The following RAP1GAP2 variants were observed in gnomAD, a reference collection of about 807,000 sequenced individuals.
The protein encoded by RAP1GAP2 is rap1 GTPase-activating protein 2.
In RAP1GAP2, 27 loss-of-function variants were observed where a neutral mutation model predicts 95.0. The observed-to-expected ratio is 0.28, with a 90% CI of 0.21 to 0.39. The LOEUF is 0.39. Among genes scored for constraint, RAP1GAP2 ranks in the 10% least tolerant of loss-of-function variants. The probability of loss-of-function intolerance (pLI) is 1.00; values close to 1 mark genes in which losing one functional copy is unlikely to be tolerated. For missense variants in RAP1GAP2, 771 were observed against 970.0 expected (o/e 0.79, Z 2.72); for synonymous variants, 373 against 380.9 (o/e 0.98, Z 0.24).
chr17:2,797,397 G>A lies in RAP1GAP2; in HGVS notation c.44+826G>A, dbSNP rs1159837784. On this transcript the variant is annotated intron_variant, in intron 1 of 24. Coordinates refer to ENST00000254695, the MANE Select transcript of RAP1GAP2 (RefSeq NM_015085.5). This position sits in a 1 kb window ranked among gnomAD's most constrained non-coding sequence, Gnocchi z 5.6. ...GGTTCCCAGTGCTGGCAGCTTCTTC[G>A]CAGCTGGGGAACAGAGTCTGGTGGT... Among the ~76,000 whole-genome samples, 7 of 152,172 alleles carry A rather than the reference G, an allele frequency of 4.6e-5. No individual in the cohort carries two copies. The highest frequency in any genetic ancestry group is 1.0e-4 in the Non-Finnish European group (7 of 68,038).
Position 2,870,559 on chromosome 17 carries a change from C to T in RAP1GAP2, c.81-34725C>T, listed in dbSNP as rs542760320. 7.1e-4 allele frequency among the ~76,000 whole-genome samples: 108 copies of T among 152,228 alleles called. 2 individuals are homozygous for T. The Middle Eastern group carries it at 0.014, about 19-fold the overall frequency. The stretch of plus-strand genomic sequence containing the variant: ...ACAAGGGAGACTGTAGAGATATTAA[C>T]GTTTAATATTTTTTTTGTGGTCTTT... On this transcript the variant is annotated intron_variant, in intron 2 of 24. Transcript: ENST00000254695. This position sits in a 1 kb window ranked among gnomAD's most constrained non-coding sequence, Gnocchi z 4.4.
Position 2,965,652 on chromosome 17 carries a change from G to T in RAP1GAP2, c.596+9G>T, listed in dbSNP as rs1257657277. On this transcript the variant is annotated intron_variant, in intron 8 of 24. Coordinates refer to ENST00000254695, the MANE Select transcript of RAP1GAP2 (RefSeq NM_015085.5). The surrounding 1 kb of genome is among the most constrained non-coding windows in gnomAD (Gnocchi z 4.7). ...CTCCGGGTCATCCTTAGGTAGGGCT[G>T]TTGCGCTGCTTGAGGCCACTTCTCT... is the stretch of plus-strand genomic sequence containing the variant. 6.3e-7 allele frequency: 1 copy of T among 1,577,094 alleles called. No homozygotes were observed. Among genetic ancestry groups the T allele is most frequent in the Non-Finnish European group, 8.7e-7 (1 of 1,153,610 alleles).
intron 2 of RAP1GAP2, among the ~76,000 whole-genome samples, chr17:2,836,712 C>T (rs1009765218): frequency 6.6e-6 from 1 of 152,146 alleles, no homozygotes; most frequent in African/African-American, 2.4e-5. Context: ...GAGACAGCAT[C>T]ATCGGACCAT....
chr17:2,980,706 G>A (rs1025078836), intron 9 of RAP1GAP2, among the ~76,000 whole-genome samples: 2 of 152,196 alleles, frequency 1.3e-5, no homozygotes, highest in African/African-American at 2.4e-5. Context: ...TCCGTGGAGG[G>A]GTGAGGGCGG....
At position 3,003,771 on chromosome 17, in the gene RAP1GAP2, G is replaced by A. The variant is rs1423826731; in HGVS notation, c.1201-1598G>A. 6.6e-6 allele frequency among the ~76,000 whole-genome samples: 1 copy of A among 152,196 alleles called. No individual in the cohort carries two copies. The highest frequency in any genetic ancestry group is 1.5e-5 in the Non-Finnish European group (1 of 68,036). ...CTTCTGCTTTCAGTCCAGTGACCCA[G>A]ATGTCCCCAAGAGGGGGGAACAACA... On this transcript the variant is annotated intron_variant, in intron 14 of 24. Coordinates refer to ENST00000254695, the MANE Select transcript of RAP1GAP2 (RefSeq NM_015085.5). The surrounding 1 kb of genome is among the most constrained non-coding windows in gnomAD (Gnocchi z 4.1).
At chr17:2,859,893 T>C (rs974803595) in intron 2 of RAP1GAP2, among the ~76,000 whole-genome samples, 3 of 152,164 alleles carry the variant, frequency 2.0e-5, no homozygotes, top group African/African-American at 4.8e-5. Context: ...TATTTAGTTC[T>C]AGAGGCACCA....
At chr17:2,803,526 G>A (rs184502422) in intron 2 of RAP1GAP2, among the ~76,000 whole-genome samples, 1 of 152,334 alleles carries the variant, frequency 6.6e-6, no homozygotes, top group Non-Finnish European at 1.5e-5. Flanking sequence ...TCACATAGAA[G>A]TTCAAAGATA....
In RAP1GAP2 at chr17:3,008,058, C is replaced by G. The variant is rs36016465; in HGVS notation, c.1407C>G (p.His469Gln). 78 of 1,613,820 alleles carry G rather than the reference C, an allele frequency of 4.8e-5. No homozygotes were observed. The highest frequency in any genetic ancestry group is 6.5e-5 in the Non-Finnish European group (77 of 1,179,860). Residue 469 changes from histidine to glutamine, a missense_variant, in exon 17 of 25, where the codon CAC becomes CAG. Physicochemically the swap from His to Gln is conservative, Grantham distance 24. Transcript: ENST00000254695. The surrounding 1 kb of genome is among the most constrained non-coding windows in gnomAD (Gnocchi z 4.2). ...TGGACAACCTTCACGATGAGCTCCA[C>G]GCCCACACACAGGCCATGCTGGGAC... ...ALLDNLHDEL[H>Q]AHTQAMLGLG...
chr17:3,024,029 G>A (rs1376763216), intron 19 of RAP1GAP2, among the ~76,000 whole-genome samples: 1 of 152,200 alleles, frequency 6.6e-6, no homozygotes, highest in Non-Finnish European at 1.5e-5. Flanking sequence ...TATATGAGAG[G>A]CCTTGAATAG....
At chr17:3,018,225 C>A in intron 18 of RAP1GAP2, 27 bp downstream of exon 18, 1 of 1,539,382 alleles carries the variant, frequency 6.5e-7, no homozygotes. Flanking sequence ...CCCGGGGCGG[C>A]AAGTGGGTCC....
intron 10 of RAP1GAP2, 49 bp from the exon 11 acceptor site, chr17:2,984,934 T>G (rs1344563218): frequency 6.2e-7 from 1 of 1,604,186 alleles, no homozygotes; most frequent in South Asian, 1.1e-5. Context: ...CCTCACTTGC[T>G]TCCAAATTTA....
chr17:2,855,620 A>G lies in RAP1GAP2; in HGVS notation c.81-49664A>G, dbSNP rs1046760924. Reference sequence around the variant, plus strand: ...ATTAATCTATTTTATTTATTTATTTATTTATTTTTGAGGAGGAGTCTCACT... The same window carrying G: ...ATTAATCTATTTTATTTATTTATTTGTTTATTTTTGAGGAGGAGTCTCACT... On this transcript the variant is annotated intron_variant, in intron 2 of 24. Coordinates refer to ENST00000254695, the MANE Select transcript of RAP1GAP2 (RefSeq NM_015085.5). The surrounding 1 kb of genome is among the most constrained non-coding windows in gnomAD (Gnocchi z 4.3). Among the ~76,000 whole-genome samples the G allele has an allele frequency of 6.6e-6, 1 of 152,032 alleles. No individual in the cohort carries two copies. The highest frequency in any genetic ancestry group is 1.5e-5 in the Non-Finnish European group (1 of 68,000).
Position 3,027,041 on chromosome 17 carries a change from C to T in RAP1GAP2, c.2078C>T (p.Thr693Ile). ...SESPSLGAAA[T>I]PIIMSRSPTD... is the part of the protein sequence containing the mutation. The stretch of plus-strand genomic sequence containing the variant: ...AGCCCCAGCCTGGGGGCAGCTGCCA[C>T]CCCGATCATCATGAGCCGGAGTCCC... Residue 693 changes from threonine (T) to isoleucine (I), a missense_variant, in exon 22 of 25, where the codon ACC becomes ATC. Coordinates refer to ENST00000254695, the MANE Select transcript of RAP1GAP2 (RefSeq NM_015085.5). This position sits in a 1 kb window ranked among gnomAD's most constrained non-coding sequence, Gnocchi z 5.2. 2 of 1,577,720 alleles carry T rather than the reference C, an allele frequency of 1.3e-6. No individual in the cohort carries two copies. The highest frequency in any genetic ancestry group is 2.3e-5 in the South Asian group (2 of 85,560).
At chr17:2,760,431 C>T (rs2071222651) in intron 1 of RAP1GAP2, among the ~76,000 whole-genome samples, 1 of 150,990 alleles carries the variant, frequency 6.6e-6, no homozygotes, top group South Asian at 2.1e-4. Flanking sequence ...GCCTCTGCCT[C>T]CTGGGTTCAA....
chr17:2,911,712 G>GGGGGGGT (rs763105935), intron 3 of RAP1GAP2, among the ~76,000 whole-genome samples: 1 of 138,328 alleles, frequency 7.2e-6, no homozygotes, highest in Non-Finnish European at 1.6e-5. Flanking sequence ...GGCGGGGTGG[G>GGGGGGGT]GCAGCCGGAA....
chr17:2,947,824 G>A (rs2043761206), intron 3 of RAP1GAP2, among the ~76,000 whole-genome samples: 2 of 152,104 alleles, frequency 1.3e-5, no homozygotes, highest in Non-Finnish European at 2.9e-5. Flanking sequence ...CGGGTTTAGA[G>A]AACTCTCCAG....
At chr17:2,895,516 T>C (rs1387380324) in intron 2 of RAP1GAP2, among the ~76,000 whole-genome samples, 1 of 152,146 alleles carries the variant, frequency 6.6e-6, no homozygotes. Context: ...TAAGAGAGTG[T>C]ACATGGATCA....
intron 19 of RAP1GAP2, among the ~76,000 whole-genome samples, chr17:3,021,530 G>C (rs1326300254): frequency 6.8e-6 from 1 of 147,698 alleles, no homozygotes; most frequent in African/African-American, 2.5e-5. Context: ...TGCCTCCTGG[G>C]TTCAAGCAGT....
At chr17:2,975,173 T>G (rs1046138666) in intron 8 of RAP1GAP2, among the ~76,000 whole-genome samples, 1 of 152,098 alleles carries the variant, frequency 6.6e-6, no homozygotes, top group African/African-American at 2.4e-5. Context: ...GAGGTTGCAG[T>G]GAGCTGAAAT....
Sources: gnomAD v4.1 joint callset for allele counts (sites outside exome capture counted in the v4.1 genomes callset) on GRCh38, gnomAD v4.1.1 for gene constraint, Gnocchi (gnomAD v3.1) non-coding constraint, MANE v1.5 for transcripts, NCBI Gene and HGNC (gene_info 2026-07-23, HGNC 2026-07-21) for gene names.